TGFBR2: variants seen among roughly 807,000 people sequenced by gnomAD.
The protein encoded by TGFBR2 is transforming growth factor beta receptor 2, also known as TGF-beta receptor type-2.
In TGFBR2, 18 loss-of-function variants were observed where a neutral mutation model predicts 49.0. That is an observed-to-expected ratio of 0.37 (90% confidence interval 0.25 to 0.54). The LOEUF is 0.54. Ranked by LOEUF, TGFBR2 falls within the 20% of genes least tolerant of loss-of-function variation. TGFBR2 has a pLI of 0.85. For missense variants in TGFBR2, 525 were observed against 722.6 expected, an observed-to-expected ratio of 0.73 and a Z score of 3.13; for synonymous variants, 282 against 275.9, an observed-to-expected ratio of 1.02 and a Z score of -0.22.
chr3:30,673,992 T>TTAAA, intron 4 of TGFBR2, 113 bp from the exon 5 acceptor site: 1 of 1,289,314 alleles, frequency 7.8e-7, no homozygotes, highest in East Asian at 2.3e-5. Context: ...AACAGCACTT[T>TTAAA]GATTTTTTAA....
At chr3:30,677,082 T>C (rs1308393375) in intron 5 of TGFBR2, among the ~76,000 whole-genome samples, 1 of 152,232 alleles carries the variant, frequency 6.6e-6, no homozygotes, top group East Asian at 1.9e-4. Flanking sequence ...TCTATAAACA[T>C]GAGCTGGAGA....
intron 2 of TGFBR2, among the ~76,000 whole-genome samples, chr3:30,647,702 A>C (rs61132534): frequency 0.24 from 36,274 of 151,604 alleles, 4,526 homozygotes; most frequent in East Asian, 0.43. Flanking sequence ...ATTGAGAGGG[A>C]GTCTCCCACT....
chr3:30,665,639 T>C (rs1444018716), intron 3 of TGFBR2, among the ~76,000 whole-genome samples: 1 of 152,140 alleles, frequency 6.6e-6, no homozygotes, highest in Non-Finnish European at 1.5e-5. Flanking sequence ...GCCAGGCAGA[T>C]CTCCCATTGG....
chr3:30,643,350 T>C, intron 1 of TGFBR2, among the ~76,000 whole-genome samples: 1 of 152,212 alleles, frequency 6.6e-6, no homozygotes, highest in East Asian at 1.9e-4. Flanking sequence ...TGTTTGCTGG[T>C]TGAGTGCCTA....
At chr3:30,648,432 A>G (rs1698813357) in intron 2 of TGFBR2, among the ~76,000 whole-genome samples, 1 of 90,554 alleles carries the variant, frequency 1.1e-5, no homozygotes, top group Admixed American at 1.0e-4. Context: ...ACACACACAC[A>G]CACACACACA....
chr3:30,651,459 C>T (rs999443626), intron 3 of TGFBR2, among the ~76,000 whole-genome samples: 4 of 152,208 alleles, frequency 2.6e-5, no homozygotes, highest in Non-Finnish European at 5.9e-5. Context: ...ACTATCTGAT[C>T]ATACTATAAA....
chr3:30,630,435 G>A (rs1191233706), intron 1 of TGFBR2, among the ~76,000 whole-genome samples: 18 of 152,216 alleles, frequency 1.2e-4, no homozygotes, highest in Admixed American at 1.2e-3. Context: ...GCACACAAAT[G>A]TGGTCATTCC....
At chr3:30,621,905 C>T (rs780928556) in intron 1 of TGFBR2, among the ~76,000 whole-genome samples, 1 of 152,132 alleles carries the variant, frequency 6.6e-6, no homozygotes, top group African/African-American at 2.4e-5. Context: ...TAGTTAGCCC[C>T]CTATGAGCCA....
At chr3:30,662,582 A>T (rs1699154108) in intron 3 of TGFBR2, among the ~76,000 whole-genome samples, 1 of 152,242 alleles carries the variant, frequency 6.6e-6, no homozygotes, top group African/African-American at 2.4e-5. Flanking sequence ...GCTAGAAGTT[A>T]AATTAAATCC....
chr3:30,654,800 T>C (rs930524749), intron 3 of TGFBR2, among the ~76,000 whole-genome samples: 1 of 152,146 alleles, frequency 6.6e-6, no homozygotes, highest in Non-Finnish European at 1.5e-5. Context: ...TGCAAAGACA[T>C]GATATGGTTA....
rs563737180 is a variant in TGFBR2, at chr3:30,634,353, A to G, written c.95-10394A>G. 2.0e-5 allele frequency among the ~76,000 whole-genome samples: 3 copies of G among 152,356 alleles called. No individual in the cohort carries two copies. The South Asian group carries it at 6.2e-4, about 32-fold the overall frequency. The stretch of plus-strand genomic sequence containing the variant: ...AAAGAATTGTTTAAATCCTAAATGA[A>G]TAACTTAATTAAAAAGCACATCTTC... On this transcript the variant is annotated intron_variant, in intron 1 of 6. Transcript: ENST00000295754.
intron 3 of TGFBR2, among the ~76,000 whole-genome samples, chr3:30,665,472 A>G (rs1457236292): frequency 6.6e-6 from 1 of 152,228 alleles, no homozygotes; most frequent in Non-Finnish European, 1.5e-5. Context: ...TCCGGTGCCT[A>G]ACCCAACAAA....
chr3:30,625,310 A>C lies in TGFBR2; in HGVS notation c.94+18333A>C, dbSNP rs1698313867. Among the ~76,000 whole-genome samples the C allele has an allele frequency of 4.6e-5, 7 of 152,236 alleles. No individual in the cohort carries two copies. In the South Asian group the frequency reaches 6.2e-4, roughly 13 times the overall value. ...TATATTGCTTGTGTAACGTCTGTTT[A>C]GCATTGCAATTTTCTGAAGGGAAGG... On this transcript the variant is annotated intron_variant, in intron 1 of 6. Coordinates refer to ENST00000295754, the MANE Select transcript of TGFBR2 (RefSeq NM_003242.6).
At chr3:30,648,135 A>C (rs1459196423) in intron 2 of TGFBR2, among the ~76,000 whole-genome samples, 1 of 152,174 alleles carries the variant, frequency 6.6e-6, no homozygotes, top group Non-Finnish European at 1.5e-5. Flanking sequence ...GAGTTTGAAA[A>C]GTTAGCTGTG....
chr3:30,645,104 C>A (rs1400968170), intron 2 of TGFBR2, among the ~76,000 whole-genome samples, 189 bp downstream of exon 2: 1 of 151,870 alleles, frequency 6.6e-6, no homozygotes, highest in South Asian at 2.1e-4. Context: ...TGTATGTGTA[C>A]GTTTATGTGG....
chr3:30,667,182 T>C (rs1041490817), intron 3 of TGFBR2, among the ~76,000 whole-genome samples: 1 of 152,228 alleles, frequency 6.6e-6, no homozygotes, highest in Non-Finnish European at 1.5e-5. Flanking sequence ...TAAATTTAAA[T>C]ATTCTATAAA....
intron 1 of TGFBR2, among the ~76,000 whole-genome samples, chr3:30,630,863 G>C (rs974788418): frequency 8.5e-5 from 13 of 152,084 alleles, no homozygotes; most frequent in African/African-American, 3.1e-4. Flanking sequence ...AGGAAAGGGG[G>C]CTCTTACGAG....
intron 5 of TGFBR2, among the ~76,000 whole-genome samples, chr3:30,684,519 T>G (rs568163059): frequency 6.6e-6 from 1 of 152,216 alleles, no homozygotes; most frequent in East Asian, 1.9e-4. Flanking sequence ...TATGACAGTT[T>G]AGGTCAAATG....
At chr3:30,653,466 G>A (rs1698936116) in intron 3 of TGFBR2, among the ~76,000 whole-genome samples, 1 of 151,806 alleles carries the variant, frequency 6.6e-6, no homozygotes, top group African/African-American at 2.4e-5. Flanking sequence ...TGATCAGGCT[G>A]GTCTCAAACT....
Sources: gnomAD v4.1 joint callset for allele counts (sites outside exome capture counted in the v4.1 genomes callset) on GRCh38, gnomAD v4.1.1 for gene constraint, MANE v1.5 for transcripts, NCBI Gene and HGNC (gene_info 2026-07-23, HGNC 2026-07-21) for gene names.